ZNF682: variants seen among roughly 807,000 people sequenced by gnomAD.
ZNF682 encodes zinc finger protein 682.
A neutral mutation model predicts 36.5 loss-of-function variants in ZNF682; 29 were observed. That is an observed-to-expected ratio of 0.80 (90% CI 0.59 to 1.08). ZNF682 has a LOEUF of 1.08. ZNF682 is among the 50% of genes least tolerant of loss of function. ZNF682 has a pLI of 0.00. For missense variants in ZNF682, 561 were observed against 579.7 expected (o/e 0.97, Z 0.33); for synonymous variants, 180 against 197.0 (o/e 0.91, Z 0.72).
In ZNF682 at chr19:20,005,034, T is replaced by A. The variant is rs2088199266; in HGVS notation, c.*971A>T. Reference sequence around the variant, plus strand: ...TCATTTAGACTTAATTTTTTATTAATTTTTTATATTTACTGCATCTGTTAA... The same window carrying A: ...TCATTTAGACTTAATTTTTTATTAAATTTTTATATTTACTGCATCTGTTAA... On this transcript the variant is annotated 3_prime_UTR_variant, in exon 4 of 4. Transcript: ENST00000397165. 1 of 152,170 alleles carries A rather than the reference T, an allele frequency of 6.6e-6. No homozygotes were observed. The highest frequency in any genetic ancestry group is 1.5e-5 in the Non-Finnish European group (1 of 68,016). 9.4% of individuals were successfully genotyped at this position (152,170 alleles called of 1,614,324 possible).
chr19:20,002,883 A>C (rs1424212790), downstream of ZNF682, among the ~76,000 whole-genome samples: 5 of 152,200 alleles, frequency 3.3e-5, no homozygotes, highest in Non-Finnish European at 7.3e-5. Context: ...ACTCAATGTT[A>C]ATTATAAAAA....
At chr19:20,014,830 T>A (rs1410207082) in intron 3 of ZNF682, among the ~76,000 whole-genome samples, 2 of 145,492 alleles carry the variant, frequency 1.4e-5, no homozygotes, top group Non-Finnish European at 3.0e-5. Context: ...TAAAGAGAAA[T>A]CTGATGGCAT....
At chr19:20,039,104 G>C in intron 1 of ZNF682, 3 of 1,382,628 alleles carry the variant, frequency 2.2e-6, no homozygotes, top group Non-Finnish European at 2.8e-6. Context: ...CTCTTCCCAG[G>C]GTGGGCTCCG....
intron 1 of ZNF682, among the ~76,000 whole-genome samples, chr19:20,024,937 A>G (rs541242609): frequency 8.5e-5 from 13 of 152,398 alleles, no homozygotes; most frequent in Middle Eastern, 6.8e-3. Context: ...TCTACAGATT[A>G]TAGAATAAGT....
intron 1 of ZNF682, among the ~76,000 whole-genome samples, chr19:20,033,005 A>C (rs991920082): frequency 6.6e-6 from 1 of 152,070 alleles, no homozygotes; most frequent in African/African-American, 2.4e-5. Context: ...GTGGCTCACT[A>C]CTGTAATCCC....
chr19:20,003,920 CAT>C (rs1477748535), downstream of ZNF682, among the ~76,000 whole-genome samples: 1 of 152,152 alleles, frequency 6.6e-6, no homozygotes, highest in Non-Finnish European at 1.5e-5. Flanking sequence ...TTTGTTCTAA[CAT>C]ATTTTCTTTC....
At chr19:20,024,618 A>T (rs1031329258) in intron 1 of ZNF682, among the ~76,000 whole-genome samples, 1 of 152,206 alleles carries the variant, frequency 6.6e-6, no homozygotes, top group Non-Finnish European at 1.5e-5. Context: ...CAGGCAGATC[A>T]CCTGAAGTCA....
chr19:20,020,429 G>A (rs576754892), intron 3 of ZNF682, among the ~76,000 whole-genome samples: 7 of 152,178 alleles, frequency 4.6e-5, no homozygotes, highest in East Asian at 1.9e-4. Flanking sequence ...CCCGGGAGGC[G>A]GAGGTTGCAA....
intron 1 of ZNF682, among the ~76,000 whole-genome samples, chr19:20,037,209 G>A (rs1271334981): frequency 6.6e-6 from 1 of 152,156 alleles, no homozygotes; most frequent in African/African-American, 2.4e-5. Context: ...ATAAAAAAAG[G>A]GTTTGTGGGG....
At position 20,039,446 on chromosome 19, in the gene ZNF682, A is replaced by G; in HGVS notation, c.-101T>C. ...TGCGACAGTCACCGGGAACTACTAG[A>G]GCAGAGGATACTAAGCAATGAAGAT... On this transcript the variant is annotated 5_prime_UTR_variant, in exon 1 of 4. Transcript: ENST00000397165. 3 of 1,505,318 alleles carry G rather than the reference A, an allele frequency of 2.0e-6. No individual in the cohort carries two copies. The highest frequency in any genetic ancestry group is 2.7e-6 in the Non-Finnish European group (3 of 1,099,670). The allele number at this position is 1,505,318 out of a possible 1,614,324, so 93.2% of individuals were successfully genotyped here.
At chr19:20,022,975 G>A in intron 3 of ZNF682, 29 bp downstream of exon 3, 3 of 1,586,634 alleles carry the variant, frequency 1.9e-6, no homozygotes, top group South Asian at 2.2e-5. Flanking sequence ...GCTTTCACCT[G>A]TGGCATGTGT....
At chr19:20,026,088 G>A (rs1178953495) in intron 1 of ZNF682, among the ~76,000 whole-genome samples, 1 of 152,078 alleles carries the variant, frequency 6.6e-6, no homozygotes, top group Non-Finnish European at 1.5e-5. Flanking sequence ...GGATCACAAG[G>A]TCAGGAGATC....
chr19:20,008,158 G>A (rs1157832927), intron 3 of ZNF682: 1 of 152,256 alleles, frequency 6.6e-6, no homozygotes, highest in Non-Finnish European at 1.5e-5. Context: ...GCTTAAGTGG[G>A]GTAGAAGCCC....
At chr19:20,011,173 A>G (rs1282728208) in intron 3 of ZNF682, among the ~76,000 whole-genome samples, 1 of 152,218 alleles carries the variant, frequency 6.6e-6, no homozygotes, top group Non-Finnish European at 1.5e-5. Context: ...CTATTCTTGT[A>G]TTAATAAAAC....
chr19:20,019,608 C>CA (rs1432335627), intron 3 of ZNF682, among the ~76,000 whole-genome samples: 1 of 151,870 alleles, frequency 6.6e-6, no homozygotes, highest in African/African-American at 2.4e-5. Flanking sequence ...GGAACTCATA[C>CA]AAATCAAAGG....
intron 1 of ZNF682, among the ~76,000 whole-genome samples, chr19:20,025,403 C>T (rs1392258398): frequency 1.3e-5 from 2 of 152,058 alleles, no homozygotes; most frequent in Non-Finnish European, 2.9e-5. Flanking sequence ...TTGGGCCAGG[C>T]GCGGTGGCTC....
intron 1 of ZNF682, among the ~76,000 whole-genome samples, chr19:20,026,444 T>C (rs991476967): frequency 1.3e-5 from 2 of 151,998 alleles, no homozygotes; most frequent in African/African-American, 4.8e-5. Context: ...CCTTTCCACA[T>C]TGATGTGACA....
At chr19:20,025,402 G>T (rs1261038399) in intron 1 of ZNF682, among the ~76,000 whole-genome samples, 1 of 152,194 alleles carries the variant, frequency 6.6e-6, no homozygotes, top group Non-Finnish European at 1.5e-5. Flanking sequence ...ATTGGGCCAG[G>T]CGCGGTGGCT....
At chr19:20,007,363 A>G (rs2088237271) in intron 3 of ZNF682, 88 bp from the exon 4 acceptor site, 1 of 1,273,928 alleles carries the variant, frequency 7.8e-7, no homozygotes, top group South Asian at 1.6e-5. Context: ...AAAATTAAGA[A>G]AAGGACAGGA....
Sources: allele counts gnomAD v4.1 joint callset (sites outside exome capture counted in the v4.1 genomes callset), GRCh38; gene constraint gnomAD v4.1.1; transcripts MANE v1.5; gene names NCBI Gene and HGNC (gene_info 2026-07-23, HGNC 2026-07-21).